MAP3K5: variants seen among roughly 807,000 people sequenced by gnomAD.
The protein encoded by MAP3K5 is ASK-1.
Under a neutral mutation model 158.7 loss-of-function variants are expected in MAP3K5, and 56 were observed. The ratio of observed to expected loss-of-function variants is 0.35; its 90% CI spans 0.28 to 0.44. MAP3K5 has a LOEUF of 0.44. Among genes scored for constraint, MAP3K5 ranks in the 20% least tolerant of loss-of-function variants. MAP3K5 has a pLI of 1.00. For missense variants in MAP3K5, 1,294 were observed against 1,674.8 expected (o/e 0.77, Z 3.97); for synonymous variants, 579 against 601.7 (o/e 0.96, Z 0.55).
chr6:136,635,870 C>A (rs1218070754), intron 14 of MAP3K5, among the ~76,000 whole-genome samples: 2 of 151,724 alleles, frequency 1.3e-5, no homozygotes, highest in African/African-American at 4.8e-5. Flanking sequence ...GCCCGGGTAA[C>A]ACAGCAAGAG....
chr6:136,653,663 T>C (rs984650656), intron 10 of MAP3K5, among the ~76,000 whole-genome samples: 2 of 152,240 alleles, frequency 1.3e-5, no homozygotes, highest in African/African-American at 4.8e-5. Flanking sequence ...TTAAAAATCA[T>C]CTATATGGCT....
chr6:136,662,046 G>A (rs1233871605), intron 8 of MAP3K5, among the ~76,000 whole-genome samples: 1 of 152,184 alleles, frequency 6.6e-6, no homozygotes, highest in Non-Finnish European at 1.5e-5. Context: ...AAATGCAGAT[G>A]GGTGGCCATT....
chr6:136,625,785 A>G (rs1777006816), intron 14 of MAP3K5, among the ~76,000 whole-genome samples: 1 of 152,234 alleles, frequency 6.6e-6, no homozygotes, highest in African/African-American at 2.4e-5. Flanking sequence ...TAAGGAAACA[A>G]TTCAACATCA....
At chr6:136,789,028 T>A (rs574708596) in intron 1 of MAP3K5, among the ~76,000 whole-genome samples, 67 of 152,352 alleles carry the variant, frequency 4.4e-4, no homozygotes, top group African/African-American at 1.6e-3. Context: ...CTGGGTGCGG[T>A]GGCTCACGCC....
At position 136,601,791 on chromosome 6, in the gene MAP3K5, C is replaced by T; in HGVS notation, c.2857+11G>A. On this transcript the variant is annotated intron_variant, in intron 20 of 29. Transcript: ENST00000359015. ...GACTCAGACTATATCCTCTTCAATG[C>T]AACCACATACCTGAAAGCTTAGGTT... The T allele has an allele frequency of 6.2e-7, 1 of 1,613,128 alleles. No individual in the cohort carries two copies.
chr6:136,584,639 G>T (rs546487509), intron 23 of MAP3K5: 68 of 152,292 alleles, frequency 4.5e-4, no homozygotes, highest in African/African-American at 1.6e-3. Flanking sequence ...GGGAATTGTG[G>T]GAGTTACAAT....
chr6:136,722,801 C>T (rs113927461), intron 1 of MAP3K5, among the ~76,000 whole-genome samples: 2,989 of 151,798 alleles, frequency 0.02, 99 homozygotes, highest in African/African-American at 0.068. Flanking sequence ...ATCCTTCAGC[C>T]TCAGCCTCCT....
intron 7 of MAP3K5, among the ~76,000 whole-genome samples, chr6:136,677,871 C>T (rs1779772820): frequency 6.6e-6 from 1 of 152,222 alleles, no homozygotes; most frequent in African/African-American, 2.4e-5. Context: ...TAGTACCTGC[C>T]TCTGCTTACT....
intron 7 of MAP3K5, among the ~76,000 whole-genome samples, chr6:136,671,695 C>A (rs1313652254): frequency 6.6e-6 from 1 of 152,202 alleles, no homozygotes; most frequent in Non-Finnish European, 1.5e-5. Flanking sequence ...CTCACAGGAA[C>A]CTCTGCCTCC....
At chr6:136,558,898 C>A in intron 28 of MAP3K5, 22 bp from the exon 29 acceptor site, 1 of 1,228,882 alleles carries the variant, frequency 8.1e-7, no homozygotes, top group East Asian at 2.3e-5. Context: ...GTAGAATATG[C>A]ACAAAAGATG....
chr6:136,791,284 ACT>A (rs1334968276), intron 1 of MAP3K5, among the ~76,000 whole-genome samples: 1 of 152,166 alleles, frequency 6.6e-6, no homozygotes, highest in Non-Finnish European at 1.5e-5. Flanking sequence ...TCGTTCCCGT[ACT>A]CTCAAAACTA....
intron 3 of MAP3K5, among the ~76,000 whole-genome samples, chr6:136,701,996 AGAG>A (rs1420629155): frequency 6.6e-6 from 1 of 152,210 alleles, no homozygotes; most frequent in African/African-American, 2.4e-5. Flanking sequence ...TGTGTTAGGC[AGAG>A]GAGAGGTAAA....
intron 11 of MAP3K5, among the ~76,000 whole-genome samples, chr6:136,645,736 G>A (rs139945986): frequency 5.6e-4 from 85 of 152,076 alleles, no homozygotes; most frequent in African/African-American, 1.9e-3. Context: ...AGAGTCCTTG[G>A]GAATTGGTAT....
At chr6:136,750,555 T>C (rs1783161800) in intron 1 of MAP3K5, among the ~76,000 whole-genome samples, 1 of 152,228 alleles carries the variant, frequency 6.6e-6, no homozygotes, top group Non-Finnish European at 1.5e-5. Flanking sequence ...CTTGAGTATT[T>C]TTGTTGTTAA....
chr6:136,727,864 A>T (rs572299045), intron 1 of MAP3K5, among the ~76,000 whole-genome samples: 1 of 152,242 alleles, frequency 6.6e-6, no homozygotes, highest in South Asian at 2.1e-4. Context: ...CGGGAGGCTG[A>T]GGCAGGAGAA....
intron 1 of MAP3K5, among the ~76,000 whole-genome samples, chr6:136,787,699 G>A (rs1323061782): frequency 6.6e-6 from 1 of 152,174 alleles, no homozygotes; most frequent in Non-Finnish European, 1.5e-5. Flanking sequence ...TTCTAACCCT[G>A]GTCAATTTTA....
chr6:136,737,037 G>A (rs35119608), intron 1 of MAP3K5, among the ~76,000 whole-genome samples: 46,534 of 124,370 alleles, frequency 0.37, 10,175 homozygotes, highest in Non-Finnish European at 0.47. Flanking sequence ...ATATGTGTGT[G>A]TATATATATA....
intron 15 of MAP3K5, among the ~76,000 whole-genome samples, chr6:136,621,856 GC>G (rs1776818351): frequency 6.6e-6 from 1 of 152,202 alleles, no homozygotes; most frequent in Non-Finnish European, 1.5e-5. Flanking sequence ...GGAGGCCGAG[GC>G]GGGCGGATCA....
At chr6:136,657,197 T>C (rs1328505355) in intron 9 of MAP3K5, among the ~76,000 whole-genome samples, 1 of 152,178 alleles carries the variant, frequency 6.6e-6, no homozygotes, top group Non-Finnish European at 1.5e-5. Flanking sequence ...AGCTTATATA[T>C]TATACAAATA....
Sources: gnomAD v4.1 joint callset for allele counts (sites outside exome capture counted in the v4.1 genomes callset) on GRCh38, gnomAD v4.1.1 for gene constraint, MANE v1.5 for transcripts, NCBI Gene and HGNC (gene_info 2026-07-23, HGNC 2026-07-21) for gene names.